Variants in NTRK3 observed in about 807,000 individuals in gnomAD.
The protein encoded by NTRK3 is neurotrophic receptor tyrosine kinase 3.
NTRK3 carries 24 observed loss-of-function variants against 91.7 expected under a neutral mutation model. The ratio of observed to expected loss-of-function variants is 0.26; its 90% CI spans 0.19 to 0.37. The LOEUF (loss-of-function observed/expected upper bound fraction) is 0.37, where lower values mean the gene tolerates loss of function less well. NTRK3 is among the 10% of genes least tolerant of loss of function. NTRK3 has a pLI of 1.00. For synonymous variants in NTRK3, 483 were observed against 404.0 expected, an observed-to-expected ratio of 1.20 and a Z score of -2.34; for missense variants, 880 against 1,068.9, an observed-to-expected ratio of 0.82 and a Z score of 2.46.
intron 14 of NTRK3, among the ~76,000 whole-genome samples, chr15:87,976,323 A>C (rs1298745781): frequency 6.6e-6 from 1 of 152,176 alleles, no homozygotes; most frequent in Non-Finnish European, 1.5e-5. Flanking sequence ...ACTAGACTTA[A>C]ATAGAAGATA....
At chr15:87,966,612 G>C (rs2072818288) in intron 14 of NTRK3, among the ~76,000 whole-genome samples, 1 of 152,204 alleles carries the variant, frequency 6.6e-6, no homozygotes. Flanking sequence ...CTTGGGCTTA[G>C]CAGTACACGT....
At chr15:87,888,857 G>A (rs1446835435) in intron 17 of NTRK3, among the ~76,000 whole-genome samples, 1 of 152,086 alleles carries the variant, frequency 6.6e-6, no homozygotes, top group Non-Finnish European at 1.5e-5. Context: ...TGCAGACCTG[G>A]TGAGGAAGTT....
chr15:88,005,148 C>T (rs981258221), intron 14 of NTRK3, among the ~76,000 whole-genome samples: 6 of 152,204 alleles, frequency 3.9e-5, no homozygotes, highest in African/African-American at 1.4e-4. Context: ...GATCCATCCT[C>T]ATTAGGCACT....
At chr15:88,254,967 TTGCGTC>T (rs765476567) in intron 3 of NTRK3, among the ~76,000 whole-genome samples, 1 of 152,104 alleles carries the variant, frequency 6.6e-6, no homozygotes, top group Non-Finnish European at 1.5e-5. Context: ...GTCCTCTCCT[TTGCGTC>T]TGCTGCCATC....
At chr15:88,146,786 G>A (rs1279190415) in intron 6 of NTRK3, among the ~76,000 whole-genome samples, 2 of 152,142 alleles carry the variant, frequency 1.3e-5, no homozygotes, top group African/African-American at 2.4e-5. Context: ...AAGATTATGA[G>A]TGGTGAAAAG....
At chr15:88,205,504 G>A (rs1043657261) in intron 3 of NTRK3, among the ~76,000 whole-genome samples, 4 of 152,124 alleles carry the variant, frequency 2.6e-5, no homozygotes, top group Non-Finnish European at 5.9e-5. Context: ...CTCTTCCTAG[G>A]AGGCTACAAA....
intron 14 of NTRK3, among the ~76,000 whole-genome samples, chr15:88,022,178 G>A (rs1303303021): frequency 6.6e-6 from 1 of 152,096 alleles, no homozygotes; most frequent in Non-Finnish European, 1.5e-5. Flanking sequence ...TGAGCTTCCT[G>A]GGGTGTTCTT....
At chr15:87,933,110 A>G in exon 16 of NTRK3, 1 of 1,613,430 alleles carries the variant, frequency 6.2e-7, no homozygotes. Flanking sequence ...CAATGTGCTC[A>G]TGCTGCAGGT....
At chr15:88,123,408 T>C (rs1343373936) in intron 13 of NTRK3, among the ~76,000 whole-genome samples, 2 of 152,236 alleles carry the variant, frequency 1.3e-5, no homozygotes, top group Non-Finnish European at 2.9e-5. Context: ...AGGGAACTTC[T>C]GGTACCGGTG....
chr15:88,250,221 G>A (rs1471591363), intron 3 of NTRK3, among the ~76,000 whole-genome samples: 1 of 152,222 alleles, frequency 6.6e-6, no homozygotes, highest in Non-Finnish European at 1.5e-5. Context: ...GGACCCACAA[G>A]CTGGTAAGAG....
intron 16 of NTRK3, among the ~76,000 whole-genome samples, chr15:87,931,398 C>T (rs1307845436): frequency 6.6e-6 from 1 of 152,214 alleles, no homozygotes; most frequent in Non-Finnish European, 1.5e-5. Context: ...ATAGTAATAA[C>T]TTCAATAGCA....
At chr15:88,079,420 G>A (rs2047852521) in intron 13 of NTRK3, among the ~76,000 whole-genome samples, 1 of 152,166 alleles carries the variant, frequency 6.6e-6, no homozygotes, top group Admixed American at 6.5e-5. Flanking sequence ...AAGTTTAGGA[G>A]GCAGACAAGT....
At chr15:88,159,475 T>G (rs1474269008) in intron 5 of NTRK3, among the ~76,000 whole-genome samples, 4 of 152,164 alleles carry the variant, frequency 2.6e-5, no homozygotes, top group African/African-American at 9.7e-5. Flanking sequence ...AGAATTTGCT[T>G]TTCTAAGAGG....
exon 19 of NTRK3, chr15:87,863,621 T>A (rs1033541172): frequency 4.5e-6 from 1 of 222,482 alleles, no homozygotes; most frequent in Non-Finnish European, 9.0e-6. Context: ...AAAGTACTGA[T>A]GTGGTAGCTC....
intron 3 of NTRK3, among the ~76,000 whole-genome samples, chr15:88,217,206 AG>A: frequency 6.6e-6 from 1 of 152,356 alleles, no homozygotes; most frequent in East Asian, 1.9e-4. Flanking sequence ...GTAGTTCCCC[AG>A]TTAAACAAAG....
At chr15:88,032,718 A>C in intron 14 of NTRK3, 139 bp downstream of exon 14, 1 of 977,044 alleles carries the variant, frequency 1.0e-6, no homozygotes, top group Non-Finnish European at 1.6e-6. Context: ...GTTTTGAAAC[A>C]AACAGGGAGG....
intron 13 of NTRK3, among the ~76,000 whole-genome samples, chr15:88,069,825 A>G (rs2046955779): frequency 6.6e-6 from 1 of 152,194 alleles, no homozygotes; most frequent in Non-Finnish European, 1.5e-5. Context: ...CACAGAGGGA[A>G]GCTGGCTTGG....
chr15:88,070,783 G>T (rs1345069134), intron 13 of NTRK3, among the ~76,000 whole-genome samples: 1 of 152,002 alleles, frequency 6.6e-6, no homozygotes, highest in Non-Finnish European at 1.5e-5. Flanking sequence ...TTCTTGTCTT[G>T]AACTAGAAAT....
intron 17 of NTRK3, among the ~76,000 whole-genome samples, chr15:87,918,493 T>A (rs1455356878): frequency 2.0e-5 from 3 of 152,258 alleles, no homozygotes; most frequent in Non-Finnish European, 4.4e-5. Flanking sequence ...ACTTTGCTCA[T>A]GCTAACCTCT....
Sources: allele counts gnomAD v4.1 joint callset (sites outside exome capture counted in the v4.1 genomes callset), GRCh38; gene constraint gnomAD v4.1.1; transcripts MANE v1.5; gene names NCBI Gene and HGNC (gene_info 2026-07-23, HGNC 2026-07-21).